PRKACA: variants seen among roughly 807,000 people sequenced by gnomAD.
PRKACA encodes the protein cAMP-dependent protein kinase catalytic subunit alpha.
Under a neutral mutation model 45.8 loss-of-function variants are expected in PRKACA, and 9 were observed. The observed-to-expected ratio is 0.20, with a 90% CI of 0.12 to 0.34. The LOEUF (loss-of-function observed/expected upper bound fraction) is 0.34. PRKACA is among the 10% of genes least tolerant of loss of function. The pLI is 1.00. For missense variants in PRKACA, 238 were observed against 458.6 expected (o/e 0.52, Z 4.39); for synonymous variants, 160 against 178.6 (o/e 0.90, Z 0.83).
intron 1 of PRKACA, among the ~76,000 whole-genome samples, chr19:14,109,473 G>A (rs189378227): frequency 1.5e-3 from 223 of 151,650 alleles, no homozygotes; most frequent in African/African-American, 5.1e-3. Flanking sequence ...AAATTAGCCA[G>A]GCGTGGTGGT....
chr19:14,114,123 C>T (rs1967050238), intron 1 of PRKACA: 1 of 1,610,306 alleles, frequency 6.2e-7, no homozygotes. Flanking sequence ...AGTAACAGGA[C>T]TCAGCCTCAC....
At chr19:14,099,057 CG>C (rs552897781) in intron 5 of PRKACA, among the ~76,000 whole-genome samples, 11 of 150,526 alleles carry the variant, frequency 7.3e-5, no homozygotes, top group African/African-American at 1.7e-4. Context: ...GAGGCCAAGG[CG>C]GGGGGGGCGG....
Position 14,092,410 on chromosome 19 carries a change from A to C in PRKACA, c.*702T>G. The C allele has an allele frequency of 2.7e-6, 1 of 374,432 alleles. No individual in the cohort carries two copies. The highest frequency in any genetic ancestry group is 4.7e-6 in the Non-Finnish European group (1 of 211,488). The allele number at this position is 374,432 out of a possible 1,614,324, so 23.2% of individuals were successfully genotyped here. On this transcript the variant is annotated 3_prime_UTR_variant, in exon 10 of 10. Transcript: ENST00000308677. ...GATTCCCCGGGGAGGGGCCCAGGGG[A>C]GATTAGCAGCGGGGAGGTTCAAACC... is the stretch of plus-strand genomic sequence containing the variant.
At chr19:14,114,105 G>A in intron 1 of PRKACA, 1 of 1,606,232 alleles carries the variant, frequency 6.2e-7, no homozygotes, top group East Asian at 2.2e-5. Flanking sequence ...TGCCTAGGAA[G>A]TTGCTATAGT....
At chr19:14,103,304 G>A (rs1156253856) in intron 3 of PRKACA, among the ~76,000 whole-genome samples, 2 of 152,122 alleles carry the variant, frequency 1.3e-5, no homozygotes, top group Admixed American at 6.6e-5. Context: ...TGAAAAGACA[G>A]GCAGGAGAAG....
Position 14,117,482 on chromosome 19 carries a change from G to T in PRKACA, c.46+20C>A. 1 of 1,256,032 alleles carries T rather than the reference G, an allele frequency of 8.0e-7. No homozygotes were observed. The allele number at this position is 1,256,032 out of a possible 1,614,324, so 77.8% of individuals were successfully genotyped here. ...CTGGCAGCGCAGGGCCAAGATCGGG[G>T]TCACAGCCCGGGCACTCACCGCTCT... On this transcript the variant is annotated intron_variant, in intron 1 of 9. Transcript: ENST00000308677.
intron 1 of PRKACA, among the ~76,000 whole-genome samples, chr19:14,110,244 A>C (rs1395651580): frequency 6.6e-6 from 1 of 151,650 alleles, no homozygotes; most frequent in Admixed American, 6.6e-5. Context: ...CTTAAAGCCC[A>C]GGAGATTGAG....
chr19:14,105,450 G>A (rs1326891079), intron 3 of PRKACA, among the ~76,000 whole-genome samples: 1 of 151,770 alleles, frequency 6.6e-6, no homozygotes, highest in African/African-American at 2.4e-5. Flanking sequence ...GGTGGAGGTT[G>A]CAGTGAGCTG....
At chr19:14,093,363 T>A in intron 9 of PRKACA, 126 bp from the exon 10 acceptor site, 1 of 1,318,508 alleles carries the variant, frequency 7.6e-7, no homozygotes, top group Non-Finnish European at 1.0e-6. Flanking sequence ...TACCATTAGG[T>A]TATGGATTCC....
Position 14,117,549 on chromosome 19 carries a change from G to A in PRKACA, c.-2C>T. ...CTTGGCGGCGGCGGCGTTGCCCATC[G>A]CGGCGGCGGCGGCCGGGGCCGGTCC... On this transcript the variant is annotated 5_prime_UTR_variant, in exon 1 of 10. Transcript: ENST00000308677. 8.4e-7 allele frequency: 1 copy of A among 1,186,066 alleles called. No individual in the cohort carries two copies. Among genetic ancestry groups the A allele is most frequent in the African/African-American group, 1.6e-5 (1 of 62,320 alleles). 73.5% of individuals were successfully genotyped at this position (1,186,066 alleles called of 1,614,324 possible).
rs1977134078 is a variant in PRKACA, at chr19:14,093,077, GA to G, written c.*34del. The G allele has an allele frequency of 1.4e-5, 9 of 644,128 alleles. No individual in the cohort carries two copies. The highest frequency in any genetic ancestry group is 1.7e-5 in the Non-Finnish European group (9 of 534,300). 39.9% of individuals were successfully genotyped at this position (644,128 alleles called of 1,614,324 possible). ...CCCCCCGACCAAAAAAAAGAAAAAA[GA>G]AAAAAGAAAACCCATGGGGGCACAG... On this transcript the variant is annotated 3_prime_UTR_variant, in exon 10 of 10. Coordinates refer to ENST00000308677, the MANE Select transcript of PRKACA (RefSeq NM_002730.4).
At chr19:14,099,965 C>T (rs1281427231) in intron 5 of PRKACA, among the ~76,000 whole-genome samples, 1 of 152,060 alleles carries the variant, frequency 6.6e-6, no homozygotes, top group African/African-American at 2.4e-5. Context: ...CTCAGCCTCC[C>T]GAGTAGCTGG....
intron 3 of PRKACA, among the ~76,000 whole-genome samples, chr19:14,105,798 G>T (rs1041863074): frequency 6.6e-6 from 1 of 152,196 alleles, no homozygotes; most frequent in African/African-American, 2.4e-5. Context: ...TGTGGCTCAG[G>T]TTACATTTCT....
At chr19:14,108,723 T>A (rs917692887) in intron 1 of PRKACA, among the ~76,000 whole-genome samples, 2 of 147,120 alleles carry the variant, frequency 1.4e-5, no homozygotes, top group African/African-American at 2.5e-5. Context: ...TTATTTTTTT[T>A]AATTATTATT....
rs1383358738 is a variant in PRKACA, at chr19:14,092,720, G to C, written c.*392C>G. The C allele has an allele frequency of 5.0e-6, 2 of 403,870 alleles. No homozygotes were observed. Among genetic ancestry groups the C allele is most frequent in the East Asian group, 3.5e-5 (1 of 28,348 alleles). 25.0% of individuals were successfully genotyped at this position (403,870 alleles called of 1,614,324 possible). A position where few individuals can be genotyped will look rare whatever the true frequency, so the allele number is the denominator to read the frequency against. The stretch of plus-strand genomic sequence containing the variant: ...CTGTGGTTGGGTGGGATGGGGGTGT[G>C]GGTGGGGGCTGGAGTTAAGCGTGAG... On this transcript the variant is annotated 3_prime_UTR_variant, in exon 10 of 10. Coordinates refer to ENST00000308677, the MANE Select transcript of PRKACA (RefSeq NM_002730.4).
chr19:14,105,051 T>C (rs558701201), intron 3 of PRKACA, among the ~76,000 whole-genome samples: 3 of 152,094 alleles, frequency 2.0e-5, no homozygotes, highest in Non-Finnish European at 4.4e-5. Flanking sequence ...AAGCATACAA[T>C]AGACACTGGA....
chr19:14,109,794 T>A (rs1214531442), intron 1 of PRKACA, among the ~76,000 whole-genome samples: 1 of 147,764 alleles, frequency 6.8e-6, no homozygotes, highest in East Asian at 2.0e-4. Context: ...AAAAATTAGC[T>A]GGGCACGGTG....
intron 1 of PRKACA, among the ~76,000 whole-genome samples, chr19:14,115,974 C>T (rs916327520): frequency 7.2e-5 from 11 of 152,232 alleles, no homozygotes; most frequent in African/African-American, 2.2e-4. Context: ...GCATTTCCCT[C>T]CCCAGCCCCC....
At chr19:14,111,802 G>C (rs1966973875) in intron 1 of PRKACA, among the ~76,000 whole-genome samples, 2 of 152,190 alleles carry the variant, frequency 1.3e-5, no homozygotes, top group Non-Finnish European at 2.9e-5. Flanking sequence ...AATCCACACA[G>C]AATTCAGCAG....
Sources: gnomAD v4.1 joint callset for allele counts (sites outside exome capture counted in the v4.1 genomes callset) on GRCh38, gnomAD v4.1.1 for gene constraint, MANE v1.5 for transcripts, NCBI Gene and HGNC (gene_info 2026-07-23, HGNC 2026-07-21) for gene names.